The following FAM168A variants were observed in gnomAD, a reference collection of about 807,000 sequenced individuals.
FAM168A encodes family with sequence similarity 168 member A, also known as protein FAM168A.
FAM168A carries 3 observed loss-of-function variants against 28.5 expected under a neutral mutation model. The observed-to-expected ratio is 0.11, with a 90% confidence interval of 0.05 to 0.27. The LOEUF (loss-of-function observed/expected upper bound fraction) is 0.27, where lower values mean the gene tolerates loss of function less well. FAM168A is among the 10% of genes least tolerant of loss of function. The probability of loss-of-function intolerance (pLI) is 1.00; values close to 1 mark genes in which losing one functional copy is unlikely to be tolerated. For synonymous variants in FAM168A, 122 were observed against 124.2 expected, an observed-to-expected ratio of 0.98 and a Z score of 0.12; for missense variants, 222 against 311.5, an observed-to-expected ratio of 0.71 and a Z score of 2.16.
chr11:73,510,676 G>A (rs7951072), intron 1 of FAM168A: 27,719 of 336,848 alleles, frequency 0.082, 1,383 homozygotes, highest in Non-Finnish European at 0.1. Context: ...ACCAGGATTC[G>A]GAATAATTTC....
intron 2 of FAM168A, among the ~76,000 whole-genome samples, chr11:73,459,973 C>T (rs929519740): frequency 4.6e-5 from 7 of 151,358 alleles, no homozygotes; most frequent in African/African-American, 1.7e-4. Context: ...CTCCGCCTCC[C>T]GGGTTCACAC....
At chr11:73,556,838 T>C (rs566509653) in intron 1 of FAM168A, among the ~76,000 whole-genome samples, 2 of 151,176 alleles carry the variant, frequency 1.3e-5, no homozygotes, top group East Asian at 3.9e-4. Context: ...CTGGCCAACA[T>C]GGCAAAACCC....
intron 2 of FAM168A, among the ~76,000 whole-genome samples, chr11:73,449,948 C>T (rs1289045818): frequency 6.6e-6 from 1 of 152,252 alleles, no homozygotes; most frequent in South Asian, 2.1e-4. Context: ...GATTTAGACA[C>T]TTAAATTCAA....
intron 1 of FAM168A, among the ~76,000 whole-genome samples, chr11:73,498,175 CATA>C (rs1854932088): frequency 6.6e-6 from 1 of 152,106 alleles, no homozygotes; most frequent in African/African-American, 2.4e-5. Context: ...CGAAAAAAAA[CATA>C]ATAAGTATGT....
intron 1 of FAM168A, among the ~76,000 whole-genome samples, chr11:73,575,861 C>T (rs933820563): frequency 2.0e-5 from 3 of 148,816 alleles, no homozygotes; most frequent in African/African-American, 7.5e-5. Context: ...AAGAGTCAAA[C>T]TATGTCAAAA....
At chr11:73,555,333 A>G (rs1182431929) in intron 1 of FAM168A, among the ~76,000 whole-genome samples, 2 of 152,154 alleles carry the variant, frequency 1.3e-5, no homozygotes, top group Admixed American at 6.6e-5. Context: ...GCATTATAAT[A>G]AAGATAAGTG....
At chr11:73,554,347 C>G (rs928917021) in intron 1 of FAM168A, among the ~76,000 whole-genome samples, 1 of 152,014 alleles carries the variant, frequency 6.6e-6, no homozygotes, top group African/African-American at 2.4e-5. Flanking sequence ...TGCACTCCAG[C>G]CTAGGTGACA....
chr11:73,457,646 T>G (rs1156434569), intron 2 of FAM168A, among the ~76,000 whole-genome samples: 1 of 132,148 alleles, frequency 7.6e-6, no homozygotes, highest in Non-Finnish European at 1.5e-5. Flanking sequence ...GAGGCCGAAG[T>G]AAGAGGATCA....
At chr11:73,510,500 T>C (rs1284298927) in intron 1 of FAM168A, among the ~76,000 whole-genome samples, 2 of 152,142 alleles carry the variant, frequency 1.3e-5, no homozygotes, top group Non-Finnish European at 2.9e-5. Context: ...ATTGCAGTTT[T>C]TTGCCCTTAC....
chr11:73,529,735 G>C (rs1943492399), intron 1 of FAM168A, among the ~76,000 whole-genome samples: 1 of 150,992 alleles, frequency 6.6e-6, no homozygotes, highest in African/African-American at 2.4e-5. Context: ...AGCCAACCTA[G>C]AGAAACACCT....
chr11:73,591,006 T>C (rs1338037880), intron 1 of FAM168A, among the ~76,000 whole-genome samples: 1 of 152,176 alleles, frequency 6.6e-6, no homozygotes, highest in Non-Finnish European at 1.5e-5. Context: ...TAGCCGGGCA[T>C]GGTGGCACGG....
intron 1 of FAM168A, among the ~76,000 whole-genome samples, chr11:73,494,660 G>T (rs963399868): frequency 6.6e-6 from 1 of 152,166 alleles, no homozygotes; most frequent in African/African-American, 2.4e-5. Flanking sequence ...CAATGAAGAG[G>T]TAGATTCCTA....
Position 73,515,649 on chromosome 11 carries a change from A to C in FAM168A, c.-18-47157T>G, listed in dbSNP as rs190914914. 1.6e-3 allele frequency among the ~76,000 whole-genome samples: 241 copies of C among 152,242 alleles called. 2 individuals carry two copies. Among genetic ancestry groups the C allele is most frequent in the African/African-American group, 5.5e-3 (229 of 41,564 alleles). ...GATATAAAAAAAACTATAATCATTC[A>C]TAATATATAAATTATAAAATCCCAT... is the stretch of plus-strand genomic sequence containing the variant. On this transcript the variant is annotated intron_variant, in intron 1 of 7. Transcript: ENST00000356467.
intron 1 of FAM168A, among the ~76,000 whole-genome samples, chr11:73,573,480 C>G (rs1384846377): frequency 2.6e-5 from 4 of 152,196 alleles, no homozygotes; most frequent in African/African-American, 9.7e-5. Context: ...TACCACACCC[C>G]ATTTTCTCAT....
intron 1 of FAM168A, among the ~76,000 whole-genome samples, chr11:73,538,068 T>C (rs114194421): frequency 0.013 from 2,023 of 152,242 alleles, 45 homozygotes; most frequent in African/African-American, 0.045. Context: ...TTTTCAGAGA[T>C]GAAAAAACTA....
chr11:73,590,000 C>G (rs1944363315), intron 1 of FAM168A, among the ~76,000 whole-genome samples: 1 of 152,174 alleles, frequency 6.6e-6, no homozygotes, highest in South Asian at 2.1e-4. Context: ...CAAACTGCAA[C>G]AGACTGAATA....
intron 5 of FAM168A, chr11:73,410,588 T>C (rs1167138094): frequency 1.3e-5 from 2 of 152,132 alleles, no homozygotes; most frequent in African/African-American, 4.8e-5. Context: ...CACTGACTTG[T>C]AGGGGAAGTA....
At chr11:73,532,635 T>C (rs1385820984) in intron 1 of FAM168A, among the ~76,000 whole-genome samples, 1 of 152,230 alleles carries the variant, frequency 6.6e-6, no homozygotes, top group Non-Finnish European at 1.5e-5. Context: ...TCTACATAAA[T>C]TGGAAAATAG....
chr11:73,562,068 G>T (rs1296416752), intron 1 of FAM168A, among the ~76,000 whole-genome samples: 1 of 152,076 alleles, frequency 6.6e-6, no homozygotes, highest in Admixed American at 6.5e-5. Flanking sequence ...TCAGCCTCCT[G>T]AGTAGCTGGG....
Sources: gnomAD v4.1 joint callset for allele counts (sites outside exome capture counted in the v4.1 genomes callset) on GRCh38, gnomAD v4.1.1 for gene constraint, MANE v1.5 for transcripts, NCBI Gene and HGNC (gene_info 2026-07-23, HGNC 2026-07-21) for gene names.